Variants in CD2AP observed in about 807,000 individuals in gnomAD.
The protein encoded by CD2AP is CD2 associated protein.
Under a neutral mutation model 85.1 loss-of-function variants are expected in CD2AP, and 46 were observed. The observed-to-expected ratio is 0.54, with a 90% CI of 0.43 to 0.69. CD2AP has a LOEUF of 0.69. Ranked by LOEUF, CD2AP falls within the 30% of genes least tolerant of loss-of-function variation. The pLI is 0.00. For missense variants in CD2AP, 769 were observed against 729.5 expected (o/e 1.05, Z -0.62); for synonymous variants, 255 against 252.9 (o/e 1.01, Z -0.08).
intron 1 of CD2AP, among the ~76,000 whole-genome samples, chr6:47,495,333 GT>G (rs1018072951): frequency 1.3e-5 from 2 of 152,168 alleles, no homozygotes; most frequent in African/African-American, 4.8e-5. Flanking sequence ...AGAGGTTGGA[GT>G]TACGTAAGCA....
intron 4 of CD2AP, among the ~76,000 whole-genome samples, chr6:47,548,010 G>A (rs564953417): frequency 1.3e-5 from 2 of 152,072 alleles, no homozygotes; most frequent in South Asian, 4.2e-4. Flanking sequence ...AAAACCTCTG[G>A]GATAGCAAAG....
intron 11 of CD2AP, among the ~76,000 whole-genome samples, chr6:47,595,472 A>G (rs372518924): frequency 2.0e-5 from 3 of 151,774 alleles, no homozygotes; most frequent in Non-Finnish European, 4.4e-5. Flanking sequence ...TTAGTTCTCT[A>G]TATTTCAGTT....
chr6:47,533,938 A>G (rs1268518259), intron 3 of CD2AP, among the ~76,000 whole-genome samples, 183 bp downstream of exon 3: 2 of 152,224 alleles, frequency 1.3e-5, no homozygotes, highest in African/African-American at 2.4e-5. Flanking sequence ...TGTGCAATCA[A>G]TAACAAATCA....
At chr6:47,595,714 TA>T in intron 11 of CD2AP, 146 bp from the exon 12 acceptor site, 3 of 570,134 alleles carry the variant, frequency 5.3e-6, no homozygotes, top group Non-Finnish European at 9.2e-6. Context: ...TTAAAATAAG[TA>T]AAACAGTGCA....
At chr6:47,593,870 T>G (rs1359012476) in intron 11 of CD2AP, among the ~76,000 whole-genome samples, 2 of 152,086 alleles carry the variant, frequency 1.3e-5, no homozygotes, top group African/African-American at 4.8e-5. Flanking sequence ...CTATTTACAG[T>G]AGGCAAAAGG....
intron 1 of CD2AP, among the ~76,000 whole-genome samples, chr6:47,483,344 G>T (rs1765490599): frequency 6.6e-6 from 1 of 152,182 alleles, no homozygotes; most frequent in Admixed American, 6.5e-5. Flanking sequence ...GTACATGTAT[G>T]TGGAACAGGC....
chr6:47,505,134 A>G (rs1365212254), intron 2 of CD2AP, among the ~76,000 whole-genome samples: 1 of 88,244 alleles, frequency 1.1e-5, no homozygotes, highest in African/African-American at 3.8e-5. Flanking sequence ...CAGATAAACA[A>G]GTGAACAAAG....
intron 1 of CD2AP, among the ~76,000 whole-genome samples, chr6:47,502,483 G>A (rs1468443593): frequency 6.7e-6 from 1 of 149,872 alleles, no homozygotes; most frequent in African/African-American, 2.5e-5. Context: ...GGCTGGCCTC[G>A]AACTCCTGAG....
rs1051945393 is a variant in CD2AP, at chr6:47,624,317, CTGT to C, written c.*97_*99del. The C allele has an allele frequency of 2.4e-5, 24 of 990,936 alleles. No individual in the cohort carries two copies. The highest frequency in any genetic ancestry group is 5.3e-5 in the Admixed American group (3 of 56,178). 61.4% of individuals were successfully genotyped at this position (990,936 alleles called of 1,614,324 possible). A position where few individuals can be genotyped will look rare whatever the true frequency, so the allele number is the denominator to read the frequency against. On this transcript the variant is annotated 3_prime_UTR_variant, in exon 18 of 18. Coordinates refer to ENST00000359314, the MANE Select transcript of CD2AP (RefSeq NM_012120.3). The stretch of plus-strand genomic sequence containing the variant: ...ACTTGTTACTTAAAAATTGTGAATT[CTGT>C]TGTTGTGATAAATATGAGCAAATGA...
At chr6:47,609,850 G>A (rs1266151408) in intron 16 of CD2AP, among the ~76,000 whole-genome samples, 1 of 152,162 alleles carries the variant, frequency 6.6e-6, no homozygotes. Context: ...TTTTAGGCTA[G>A]AAATCTTCTG....
chr6:47,549,090 A>G (rs537940236), intron 4 of CD2AP, among the ~76,000 whole-genome samples: 4 of 152,302 alleles, frequency 2.6e-5, no homozygotes, highest in African/African-American at 9.6e-5. Context: ...AACCACAGCC[A>G]ACATAATACT....
chr6:47,598,551 A>G (rs1769013995), intron 12 of CD2AP, among the ~76,000 whole-genome samples: 1 of 151,116 alleles, frequency 6.6e-6, no homozygotes, highest in Admixed American at 6.6e-5. Flanking sequence ...ATATATATAT[A>G]CCATGGAATA....
At chr6:47,533,146 TTG>T (rs1766933771) in intron 2 of CD2AP, among the ~76,000 whole-genome samples, 2 of 152,252 alleles carry the variant, frequency 1.3e-5, no homozygotes, top group Non-Finnish European at 2.9e-5. Flanking sequence ...TAAAGTTTTA[TTG>T]GAACATAGTT....
At chr6:47,531,634 G>T (rs977000989) in intron 2 of CD2AP, among the ~76,000 whole-genome samples, 1 of 151,666 alleles carries the variant, frequency 6.6e-6, no homozygotes, top group Non-Finnish European at 1.5e-5. Context: ...GGAAATGATA[G>T]GTTACCAGTA....
rs758894683 is a variant in CD2AP, at chr6:47,624,252, T to TGGG, written c.*26_*27insGGG. ...AGTGGTGTGGACCTGGTGTTCATAA[T>TGGG]GTTCCAGGGATTCAGAAGCAACGCT... is the stretch of plus-strand genomic sequence containing the variant. On this transcript the variant is annotated 3_prime_UTR_variant, in exon 18 of 18. Coordinates refer to ENST00000359314, the MANE Select transcript of CD2AP (RefSeq NM_012120.3). 11 of 1,591,766 alleles carry TGGG rather than the reference T, an allele frequency of 6.9e-6. No homozygotes were observed. The African/African-American group carries it at 1.5e-4, about 21-fold the overall frequency.
chr6:47,544,535 T>G lies in CD2AP; in HGVS notation c.320-71T>G, dbSNP rs1767315848. ...TTTATATAAGTCCTGTGACTAAACA[T>G]GGCATGTAAATATACTGTTTTTAAA... On this transcript the variant is annotated intron_variant, in intron 3 of 17. Transcript: ENST00000359314. The G allele has an allele frequency of 3.2e-6, 3 of 946,502 alleles. No homozygotes were observed. The South Asian group carries it at 4.0e-5, about 13-fold the overall frequency. The allele number at this position is 946,502 out of a possible 1,614,324, so 58.6% of individuals were successfully genotyped here. A position where few individuals can be genotyped will look rare whatever the true frequency, so the allele number is the denominator to read the frequency against.
intron 17 of CD2AP, among the ~76,000 whole-genome samples, chr6:47,616,990 C>G (rs1769609235): frequency 6.6e-6 from 1 of 152,080 alleles, no homozygotes; most frequent in Admixed American, 6.6e-5. Flanking sequence ...TTTTTAGAGA[C>G]AGGGAGTCAC....
Position 47,607,201 on chromosome 6 carries a change from GT to G in CD2AP, c.1531-725del, listed in dbSNP as rs1390883859. Among the ~76,000 whole-genome samples, 220 of 151,978 alleles carry G rather than the reference GT, an allele frequency of 1.4e-3. 6 individuals carry two copies. Among genetic ancestry groups the G allele is most frequent in the Admixed American group, 0.014 (219 of 15,254 alleles). On this transcript the variant is annotated intron_variant, in intron 14 of 17. Transcript: ENST00000359314. ...GTTACCACATTTTCTTTATCCATTTGTCTGTTGATGGACACTTAGGTTGATT... is the reference window on the plus strand; with the variant it reads ...GTTACCACATTTTCTTTATCCATTTGCTGTTGATGGACACTTAGGTTGATT...
chr6:47,530,751 G>T (rs1436754859), intron 2 of CD2AP, among the ~76,000 whole-genome samples: 1 of 152,120 alleles, frequency 6.6e-6, no homozygotes, highest in Non-Finnish European at 1.5e-5. Context: ...CTCAATAAGT[G>T]TTTATGAAAA....
Sources: allele counts gnomAD v4.1 joint callset (sites outside exome capture counted in the v4.1 genomes callset), GRCh38; gene constraint gnomAD v4.1.1; transcripts MANE v1.5; gene names NCBI Gene and HGNC (gene_info 2026-07-23, HGNC 2026-07-21).